The following TSPAN9 variants were observed in gnomAD, a reference collection of about 807,000 sequenced individuals.
TSPAN9 encodes tetraspanin 9, also known as tetraspanin-9.
Under a neutral mutation model 31.0 loss-of-function variants are expected in TSPAN9, and 16 were observed. The observed-to-expected ratio is 0.52, with a 90% CI of 0.35 to 0.78. The LOEUF (loss-of-function observed/expected upper bound fraction) is 0.78, where lower values mean the gene tolerates loss of function less well. Ranked by LOEUF, TSPAN9 falls within the 30% of genes least tolerant of loss-of-function variation. The pLI, the probability that TSPAN9 is intolerant of heterozygous loss-of-function variation, is 0.01. For missense variants in TSPAN9, 272 were observed against 312.5 expected, an observed-to-expected ratio of 0.87 and a Z score of 0.98; for synonymous variants, 145 against 121.6, an observed-to-expected ratio of 1.19 and a Z score of -1.27.
At position 3,141,006 on chromosome 12, in the gene TSPAN9, ATAG is replaced by A. The variant is rs202239757; in HGVS notation, c.-18+57291_-18+57293del. ...AGGGCTGTGGGAAGTGTTGGGGTTCATAGTAGGGGAGGGAGGGGGAATTTTTGG... is the reference window on the plus strand; with the variant it reads ...AGGGCTGTGGGAAGTGTTGGGGTTCATAGGGGAGGGAGGGGGAATTTTTGG... On this transcript the variant is annotated intron_variant, in intron 2 of 8. Transcript: ENST00000011898. 3.6e-3 allele frequency among the ~76,000 whole-genome samples: 543 copies of A among 150,748 alleles called. 1 individual carries two copies. Among genetic ancestry groups the A allele is most frequent in the Non-Finnish European group, 6.5e-3 (439 of 67,750 alleles).
At chr12:3,132,024 T>C (rs980750203) in intron 2 of TSPAN9, among the ~76,000 whole-genome samples, 1 of 152,236 alleles carries the variant, frequency 6.6e-6, no homozygotes, top group Non-Finnish European at 1.5e-5. Context: ...TCATACAGTA[T>C]GTGGCCTTCT....
chr12:3,171,124 G>A (rs1234934929), intron 2 of TSPAN9, among the ~76,000 whole-genome samples: 1 of 152,024 alleles, frequency 6.6e-6, no homozygotes, highest in Admixed American at 6.6e-5. Context: ...CTGTCCCGAC[G>A]CGCGCCGAGA....
At chr12:3,131,163 C>T (rs903857292) in intron 2 of TSPAN9, among the ~76,000 whole-genome samples, 1 of 150,610 alleles carries the variant, frequency 6.6e-6, no homozygotes, top group Non-Finnish European at 1.5e-5. Context: ...TTATGGAGCC[C>T]TTTACGTGCC....
intron 3 of TSPAN9, among the ~76,000 whole-genome samples, chr12:3,247,810 G>A (rs1011900629): frequency 1.3e-5 from 2 of 152,288 alleles, no homozygotes; most frequent in East Asian, 3.9e-4. Flanking sequence ...ATCCCCCTGG[G>A]CTATTTGTTT....
intron 2 of TSPAN9, among the ~76,000 whole-genome samples, chr12:3,093,123 G>A (rs2098305760): frequency 6.6e-6 from 1 of 152,238 alleles, no homozygotes; most frequent in Non-Finnish European, 1.5e-5. Flanking sequence ...GCTGGCCTTT[G>A]GGATGCTGAC....
intron 3 of TSPAN9, among the ~76,000 whole-genome samples, chr12:3,253,684 A>G (rs1862295696): frequency 6.6e-6 from 1 of 152,242 alleles, no homozygotes; most frequent in African/African-American, 2.4e-5. Context: ...ACAGGGTGAC[A>G]GGTGGGAATT....
rs969166373 is a variant in TSPAN9, at chr12:3,188,858, G to C, written c.-17-12319G>C. Reference sequence around the variant, plus strand: ...AGATAGGCCGAGGGCAGTGTTAGAGGGTGTCCGATACATACACTGAGGTGA... The same window carrying C: ...AGATAGGCCGAGGGCAGTGTTAGAGCGTGTCCGATACATACACTGAGGTGA... On this transcript the variant is annotated intron_variant, in intron 2 of 8. Coordinates refer to ENST00000011898, the MANE Select transcript of TSPAN9 (RefSeq NM_006675.5). Among the ~76,000 whole-genome samples, 4 of 152,108 alleles carry C rather than the reference G, an allele frequency of 2.6e-5. No homozygotes were observed. In the South Asian group the frequency reaches 8.3e-4, roughly 32 times the overall value.
intron 2 of TSPAN9, among the ~76,000 whole-genome samples, chr12:3,190,739 A>G (rs758621): frequency 0.99 from 151,422 of 152,382 alleles, 75,247 homozygotes; most frequent in Middle Eastern, 1. Flanking sequence ...TGGCCATTCT[A>G]ACTCTTTTTG....
chr12:3,244,787 T>G (rs2098398582), intron 3 of TSPAN9, among the ~76,000 whole-genome samples: 1 of 152,142 alleles, frequency 6.6e-6, no homozygotes, highest in East Asian at 1.9e-4. Flanking sequence ...GGTGTGTGGT[T>G]CACTAGGCTT....
At chr12:3,142,296 G>A (rs566139521) in intron 2 of TSPAN9, among the ~76,000 whole-genome samples, 2 of 152,220 alleles carry the variant, frequency 1.3e-5, no homozygotes, top group Admixed American at 1.3e-4. Context: ...TTCCCACTTG[G>A]CAACTGAGTT....
At chr12:3,281,638 C>T (rs605613) in intron 7 of TSPAN9, 96 bp from the exon 8 acceptor site, 410,814 of 1,393,260 alleles carry the variant, frequency 0.29, 62,072 homozygotes, top group Middle Eastern at 0.41. Context: ...GAGGTAAGAG[C>T]GAGGACGAGG....
intron 3 of TSPAN9, among the ~76,000 whole-genome samples, chr12:3,229,662 C>T (rs1449064515): frequency 6.6e-6 from 1 of 152,204 alleles, no homozygotes; most frequent in Non-Finnish European, 1.5e-5. Flanking sequence ...GAGGATGCCT[C>T]AAAGATAGGG....
intron 2 of TSPAN9, among the ~76,000 whole-genome samples, chr12:3,199,370 C>T (rs867329201): frequency 1.3e-5 from 2 of 152,320 alleles, no homozygotes; most frequent in Middle Eastern, 3.4e-3. Flanking sequence ...GCTCCCCACC[C>T]GCAAGTCTTC....
At chr12:3,282,605 G>A (rs1862917881) in intron 8 of TSPAN9, among the ~76,000 whole-genome samples, 1 of 152,096 alleles carries the variant, frequency 6.6e-6, no homozygotes, top group South Asian at 2.1e-4. Flanking sequence ...TCCCTCTATT[G>A]CCCAGGCCGA....
At chr12:3,194,837 C>T (rs2098366295) in intron 2 of TSPAN9, among the ~76,000 whole-genome samples, 1 of 152,242 alleles carries the variant, frequency 6.6e-6, no homozygotes, top group African/African-American at 2.4e-5. Context: ...ACCCAATCTC[C>T]TAGCCCCTGC....
chr12:3,198,597 T>C (rs1279370676), intron 2 of TSPAN9, among the ~76,000 whole-genome samples: 46 of 28,888 alleles, frequency 1.6e-3, no homozygotes, highest in Admixed American at 2.3e-3. Flanking sequence ...CCAGCACAGG[T>C]CACACCAGCA....
chr12:3,086,101 A>C (rs1427281505), intron 2 of TSPAN9, among the ~76,000 whole-genome samples: 1 of 152,210 alleles, frequency 6.6e-6, no homozygotes, highest in East Asian at 1.9e-4. Flanking sequence ...AATCATTTCA[A>C]CTTCAATCAT....
chr12:3,268,180 G>GTGCGTTCCTGCAGCCTGCCCTCCC (rs1862575248), intron 3 of TSPAN9, among the ~76,000 whole-genome samples: 1 of 130,384 alleles, frequency 7.7e-6, no homozygotes, highest in African/African-American at 3.0e-5. Context: ...CCTACCCTCC[G>GTGCGTTCCTGCAGCCTGCCCTCCC]TGCGTTCCTG....
At chr12:3,233,438 C>G (rs957439626) in intron 3 of TSPAN9, among the ~76,000 whole-genome samples, 5 of 152,180 alleles carry the variant, frequency 3.3e-5, no homozygotes, top group Non-Finnish European at 5.9e-5. Context: ...TTTTTATCAG[C>G]CTTTTGCCTT....
Sources: allele counts gnomAD v4.1 joint callset (sites outside exome capture counted in the v4.1 genomes callset), GRCh38; gene constraint gnomAD v4.1.1; transcripts MANE v1.5; gene names NCBI Gene and HGNC (gene_info 2026-07-23, HGNC 2026-07-21).